LARS2: variants seen among roughly 807,000 people sequenced by gnomAD.
The protein encoded by LARS2 is leucyl-tRNA synthetase 2, mitochondrial, also known as leucine--tRNA ligase, mitochondrial.
A neutral mutation model predicts 116.6 loss-of-function variants in LARS2; 81 were observed. The observed-to-expected ratio is 0.69, with a 90% CI of 0.58 to 0.84. LARS2 has a LOEUF of 0.84. Ranked by LOEUF, LARS2 falls within the 40% of genes least tolerant of loss-of-function variation. The probability of loss-of-function intolerance (pLI) is 0.00; values close to 1 mark genes in which losing one functional copy is unlikely to be tolerated. For synonymous variants in LARS2, 396 were observed against 407.2 expected, an observed-to-expected ratio of 0.97 and a Z score of 0.33; for missense variants, 968 against 1,114.5, an observed-to-expected ratio of 0.87 and a Z score of 1.87.
At chr3:45,525,485 G>T (rs1700518886) in intron 20 of LARS2, among the ~76,000 whole-genome samples, 1 of 152,208 alleles carries the variant, frequency 6.6e-6, no homozygotes, top group African/African-American at 2.4e-5. Context: ...TAAAACCTGG[G>T]TAAGGATTTG....
chr3:45,518,620 C>T (rs978598066), intron 18 of LARS2, among the ~76,000 whole-genome samples: 5 of 152,160 alleles, frequency 3.3e-5, no homozygotes, highest in Admixed American at 1.3e-4. Context: ...AGGACTTTCC[C>T]ACTCAGTTAC....
Position 45,541,764 on chromosome 3 carries a change from G to T in LARS2, c.2405-65G>T, listed in dbSNP as rs1700799596. The T allele has an allele frequency of 4.4e-6, 7 of 1,586,912 alleles. No homozygotes were observed. In the South Asian group the frequency reaches 6.9e-5, roughly 16 times the overall value. On this transcript the variant is annotated intron_variant, in intron 20 of 21. Transcript: ENST00000645846. The stretch of plus-strand genomic sequence containing the variant: ...AGGCTGTGTTGGGATGGAAGCTTTG[G>T]TCCTGCTCTCATAAGCCTCCCTGTT...
At chr3:45,530,197 GT>G (rs1451041068) in intron 20 of LARS2, among the ~76,000 whole-genome samples, 1 of 152,150 alleles carries the variant, frequency 6.6e-6, no homozygotes, top group Non-Finnish European at 1.5e-5. Flanking sequence ...TTGCTTGTTT[GT>G]TTTTGTTTTT....
intron 21 of LARS2, among the ~76,000 whole-genome samples, 175 bp downstream of exon 21, chr3:45,542,131 C>A (rs1486092641): frequency 1.3e-5 from 2 of 152,318 alleles, no homozygotes; most frequent in Non-Finnish European, 2.9e-5. Flanking sequence ...TTGCCAGTAC[C>A]CTCAGTTTTG....
chr3:45,446,865 A>G, intron 6 of LARS2, 26 bp from the exon 7 acceptor site: 2 of 1,423,432 alleles, frequency 1.4e-6, no homozygotes, highest in Middle Eastern at 1.8e-4. Context: ...AATGGCCTGT[A>G]CATTATTTTT....
chr3:45,421,776 C>G (rs1342628259), intron 6 of LARS2: 1 of 152,312 alleles, frequency 6.6e-6, no homozygotes, highest in African/African-American at 2.4e-5. Context: ...TATAATACAT[C>G]TAACCATCAT....
Position 45,482,695 on chromosome 3 carries a change from C to T in LARS2, c.1019-2997C>T, listed in dbSNP as rs147385126. Among the ~76,000 whole-genome samples, 17 of 152,226 alleles carry T rather than the reference C, an allele frequency of 1.1e-4. No individual in the cohort carries two copies. In the East Asian group the frequency reaches 3.3e-3, roughly 29 times the overall value. On this transcript the variant is annotated intron_variant, in intron 10 of 21. Coordinates refer to ENST00000645846, the MANE Select transcript of LARS2 (RefSeq NM_015340.4). ...TAATAACAAGAACAATAAAAGCAGC[C>T]TCCTTAACCAAACACTTTTATTTAG...
At chr3:45,412,423 A>G (rs987072583) in intron 4 of LARS2, among the ~76,000 whole-genome samples, 3 of 152,204 alleles carry the variant, frequency 2.0e-5, no homozygotes, top group African/African-American at 7.2e-5. Context: ...GGGGAGATAG[A>G]TGTGGAAGGA....
chr3:45,539,520 A>G lies in LARS2; in HGVS notation c.2405-2309A>G, dbSNP rs1700759563. 3.3e-5 allele frequency among the ~76,000 whole-genome samples: 5 copies of G among 152,108 alleles called. No homozygotes were observed. In the South Asian group the frequency reaches 1.0e-3, roughly 32 times the overall value. On this transcript the variant is annotated intron_variant, in intron 20 of 21. Coordinates refer to ENST00000645846, the MANE Select transcript of LARS2 (RefSeq NM_015340.4). Reference sequence around the variant, plus strand: ...GTGGTGCACACCTATAGTCTCAGCTACTCAGGAGGCTGAGGCACAAGAATC... The same window carrying G: ...GTGGTGCACACCTATAGTCTCAGCTGCTCAGGAGGCTGAGGCACAAGAATC...
At chr3:45,476,400 C>T in intron 9 of LARS2, 68 bp from the exon 10 acceptor site, 3 of 1,517,484 alleles carry the variant, frequency 2.0e-6, no homozygotes, top group South Asian at 1.2e-5. Flanking sequence ...GAAGGGGATA[C>T]AGTTAGGGAG....
Position 45,490,555 on chromosome 3 carries a change from C to T in LARS2, c.1240-962C>T, listed in dbSNP as rs147581721. Among the ~76,000 whole-genome samples, 726 of 152,290 alleles carry T rather than the reference C, an allele frequency of 4.8e-3. 3 individuals are homozygous for T. The highest frequency in any genetic ancestry group is 8.3e-3 in the Non-Finnish European group (565 of 68,026). On this transcript the variant is annotated intron_variant, in intron 12 of 21. Transcript: ENST00000645846. ...GGAGAGCTTTTTATGATTTGCATCA[C>T]GACTGTGATAATGGGAGTGCAGAAA... is the stretch of plus-strand genomic sequence containing the variant.
intron 15 of LARS2, among the ~76,000 whole-genome samples, chr3:45,506,568 A>C (rs1700203307): frequency 6.6e-6 from 1 of 152,074 alleles, no homozygotes; most frequent in Non-Finnish European, 1.5e-5. Flanking sequence ...ATTTGAGATG[A>C]TAGTACAGCT....
At chr3:45,523,923 A>G (rs1248302431) in intron 19 of LARS2, 74 bp from the exon 20 acceptor site, 3 of 1,089,678 alleles carry the variant, frequency 2.8e-6, no homozygotes, top group Non-Finnish European at 4.2e-6. Context: ...TGGACTTCAG[A>G]TACATTAATG....
At position 45,479,934 on chromosome 3, in the gene LARS2, C is replaced by T. The variant is rs114974427; in HGVS notation, c.1018+3307C>T. Among the ~76,000 whole-genome samples, 893 of 152,320 alleles carry T rather than the reference C, an allele frequency of 5.9e-3. 5 individuals are homozygous for T. Among genetic ancestry groups the T allele is most frequent in the Middle Eastern group, 0.01 (3 of 294 alleles). On this transcript the variant is annotated intron_variant, in intron 10 of 21. Transcript: ENST00000645846. ...GGGCAGATGCGGTCTCTCCAAAGGACAACTTGGAACTCTGTTGTTATTGAC... is the reference window on the plus strand; with the variant it reads ...GGGCAGATGCGGTCTCTCCAAAGGATAACTTGGAACTCTGTTGTTATTGAC...
intron 6 of LARS2, among the ~76,000 whole-genome samples, chr3:45,428,402 C>T (rs1196349956): frequency 6.6e-6 from 1 of 151,940 alleles, no homozygotes; most frequent in Admixed American, 6.6e-5. Context: ...TGCCACCACA[C>T]CCGGATAATT....
chr3:45,538,329 C>G (rs36044929), intron 20 of LARS2: 2 of 152,160 alleles, frequency 1.3e-5, no homozygotes, highest in Non-Finnish European at 2.9e-5. Flanking sequence ...GTCCAAGGTC[C>G]TTTCATCTCC....
chr3:45,490,204 G>C (rs531908395), intron 12 of LARS2, among the ~76,000 whole-genome samples: 1 of 152,244 alleles, frequency 6.6e-6, no homozygotes, highest in Admixed American at 6.5e-5. Context: ...TGGAGGTAGA[G>C]CAGAGCGAAA....
chr3:45,504,763 TTTTG>T (rs1330368011), intron 15 of LARS2, among the ~76,000 whole-genome samples: 2 of 151,648 alleles, frequency 1.3e-5, no homozygotes, highest in East Asian at 1.9e-4. Context: ...TTTTGTTTTG[TTTTG>T]TTTGTTTTTT....
At chr3:45,408,383 C>T (rs989913141) in intron 4 of LARS2, among the ~76,000 whole-genome samples, 1 of 152,242 alleles carries the variant, frequency 6.6e-6, no homozygotes, top group African/African-American at 2.4e-5. Flanking sequence ...ACAGCTGGCC[C>T]CCACTCCTCT....
Sources: gnomAD v4.1 joint callset for allele counts (sites outside exome capture counted in the v4.1 genomes callset) on GRCh38, gnomAD v4.1.1 for gene constraint, MANE v1.5 for transcripts, NCBI Gene and HGNC (gene_info 2026-07-23, HGNC 2026-07-21) for gene names.